The following ASTN2 variants were observed in gnomAD, a reference collection of about 807,000 sequenced individuals.
ASTN2 encodes the protein astrotactin-2.
In ASTN2, 54 loss-of-function variants were observed where a neutral mutation model predicts 139.8. The ratio of observed to expected loss-of-function variants is 0.39; its 90% confidence interval spans 0.31 to 0.48. ASTN2 has a LOEUF of 0.48. Ranked by LOEUF, ASTN2 falls within the 20% of genes least tolerant of loss-of-function variation. The pLI is 0.95. For synonymous variants in ASTN2, 756 were observed against 719.5 expected (o/e 1.05, Z -0.81); for missense variants, 1,565 against 1,725.1 (o/e 0.91, Z 1.64).
intron 12 of ASTN2, among the ~76,000 whole-genome samples, chr9:116,809,049 C>A (rs563272124): frequency 1.3e-4 from 20 of 151,908 alleles, no homozygotes; most frequent in Non-Finnish European, 2.1e-4. Flanking sequence ...TTATCCTTCA[C>A]CTTCCATATA....
chr9:116,936,723 G>A lies in ASTN2; in HGVS notation c.1889+38485C>T, dbSNP rs117742412. Among the ~76,000 whole-genome samples, 3 of 152,204 alleles carry A rather than the reference G, an allele frequency of 2.0e-5. No individual in the cohort carries two copies. In the East Asian group the frequency reaches 5.9e-4, roughly 30 times the overall value. On this transcript the variant is annotated intron_variant, in intron 10 of 22. Transcript: ENST00000313400. ...ACTTCAGTATCAATCTTTTCACCTT[G>A]TCTAATTTGAAGGGTGAATCTGGTG...
At chr9:117,224,113 G>C (rs1018723398) in intron 2 of ASTN2, among the ~76,000 whole-genome samples, 5 of 152,184 alleles carry the variant, frequency 3.3e-5, no homozygotes, top group Admixed American at 6.5e-5. Context: ...GAAAGCTAAG[G>C]AATGCTTGGA....
chr9:116,745,623 A>G (rs1829214134), intron 13 of ASTN2, among the ~76,000 whole-genome samples: 1 of 152,062 alleles, frequency 6.6e-6, no homozygotes, highest in Admixed American at 6.6e-5. Context: ...CCTCCTCCCC[A>G]CAGTCTGATT....
rs529876394 is a variant in ASTN2, at chr9:116,872,453, C to T, written c.1890-8720G>A. On this transcript the variant is annotated intron_variant, in intron 10 of 22. Transcript: ENST00000313400. Reference sequence around the variant, plus strand: ...CAATGTAGGAGAAGGGATGAAAGATCTGAGACCCCACATGGTCCATTTACT... The same window carrying T: ...CAATGTAGGAGAAGGGATGAAAGATTTGAGACCCCACATGGTCCATTTACT... Among the ~76,000 whole-genome samples, 7 of 152,156 alleles carry T rather than the reference C, an allele frequency of 4.6e-5. No individual in the cohort carries two copies. The South Asian group carries it at 8.3e-4, about 18-fold the overall frequency.
chr9:117,190,983 G>T (rs2132967952), intron 3 of ASTN2, among the ~76,000 whole-genome samples: 1 of 152,022 alleles, frequency 6.6e-6, no homozygotes, highest in South Asian at 2.1e-4. Context: ...CACACAGTAG[G>T]TACTTAATTA....
intron 6 of ASTN2, among the ~76,000 whole-genome samples, chr9:117,024,204 TA>T (rs1837982847): frequency 6.6e-6 from 1 of 152,158 alleles, no homozygotes; most frequent in Admixed American, 6.6e-5. Context: ...CAGTGAGAAT[TA>T]CCTTCTCTAT....
chr9:116,866,353 TG>T (rs1454871290), intron 10 of ASTN2, among the ~76,000 whole-genome samples: 1 of 152,190 alleles, frequency 6.6e-6, no homozygotes, highest in African/African-American at 2.4e-5. Flanking sequence ...CCAAATCCTT[TG>T]TGTTCAGGGA....
intron 17 of ASTN2, among the ~76,000 whole-genome samples, chr9:116,651,044 G>A (rs772654260): frequency 2.0e-5 from 3 of 151,474 alleles, no homozygotes; most frequent in Non-Finnish European, 2.9e-5. Context: ...GCCTCCCAAC[G>A]TAGCTGCGAT....
At chr9:117,375,772 A>C (rs1029644633) in intron 1 of ASTN2, among the ~76,000 whole-genome samples, 3 of 152,188 alleles carry the variant, frequency 2.0e-5, no homozygotes, top group Admixed American at 2.0e-4. Flanking sequence ...ACAGTTTTGC[A>C]GGTCGGAAGT....
chr9:117,245,632 C>A (rs1833357289), intron 2 of ASTN2, among the ~76,000 whole-genome samples: 1 of 152,172 alleles, frequency 6.6e-6, no homozygotes, highest in Non-Finnish European at 1.5e-5. Flanking sequence ...TTCAGGCACA[C>A]CCTGAATGCA....
At chr9:116,860,172 A>G (rs957355466) in intron 11 of ASTN2, among the ~76,000 whole-genome samples, 6 of 152,190 alleles carry the variant, frequency 3.9e-5, no homozygotes, top group Admixed American at 3.3e-4. Context: ...TGGCCCTTTG[A>G]GCTAAAATGT....
intron 1 of ASTN2, among the ~76,000 whole-genome samples, chr9:117,313,672 ACTCCCCAAGCCAGGAGC>A (rs1372354673): frequency 1.3e-5 from 2 of 152,074 alleles, no homozygotes; most frequent in Non-Finnish European, 2.9e-5. Context: ...AAGTCACCAA[ACTCCCCAAGCCAGGAGC>A]CTCCAGAACC....
chr9:117,163,028 T>A (rs1830587730), intron 3 of ASTN2, among the ~76,000 whole-genome samples: 2 of 152,006 alleles, frequency 1.3e-5, no homozygotes, highest in Non-Finnish European at 2.9e-5. Flanking sequence ...TGAAGTCAGG[T>A]TATGAAAATG....
At chr9:117,401,058 T>C (rs1346680931) in intron 1 of ASTN2, among the ~76,000 whole-genome samples, 1 of 152,222 alleles carries the variant, frequency 6.6e-6, no homozygotes, top group East Asian at 1.9e-4. Flanking sequence ...ATAGGTAGCA[T>C]GTACTAAGTG....
At chr9:116,731,505 C>G (rs967923831) in intron 14 of ASTN2, among the ~76,000 whole-genome samples, 1 of 152,044 alleles carries the variant, frequency 6.6e-6, no homozygotes, top group African/African-American at 2.4e-5. Context: ...TCACTGCAAC[C>G]TCCACCTCCT....
chr9:116,725,988 G>A, intron 15 of ASTN2, 38 bp from the exon 16 acceptor site: 1 of 1,572,310 alleles, frequency 6.4e-7, no homozygotes, highest in Non-Finnish European at 8.6e-7. Context: ...GGTCAGATGT[G>A]AGAGGCTGGC....
At chr9:116,845,621 A>T (rs1432052484) in intron 11 of ASTN2, among the ~76,000 whole-genome samples, 1 of 152,262 alleles carries the variant, frequency 6.6e-6, no homozygotes, top group East Asian at 1.9e-4. Context: ...CAATTGGCAC[A>T]TGAAAAGATG....
chr9:116,949,704 G>T (rs896573031), intron 10 of ASTN2, among the ~76,000 whole-genome samples: 2 of 152,200 alleles, frequency 1.3e-5, no homozygotes, highest in African/African-American at 2.4e-5. Context: ...GCCTACATTT[G>T]TAGCTTCTTG....
intron 17 of ASTN2, among the ~76,000 whole-genome samples, chr9:116,637,733 G>C (rs780089835): frequency 6.6e-6 from 1 of 152,154 alleles, no homozygotes. Flanking sequence ...GTGCCCAGCT[G>C]TTCAAGACAA....
Sources: allele counts gnomAD v4.1 joint callset (sites outside exome capture counted in the v4.1 genomes callset), GRCh38; gene constraint gnomAD v4.1.1; transcripts MANE v1.5; gene names NCBI Gene and HGNC (gene_info 2026-07-23, HGNC 2026-07-21).